SEC14L1: variants seen among roughly 807,000 people sequenced by gnomAD.
SEC14L1 encodes SEC14-like protein 1.
Under a neutral mutation model 85.3 loss-of-function variants are expected in SEC14L1, and 48 were observed. The observed-to-expected ratio is 0.56, with a 90% CI of 0.45 to 0.72. The LOEUF is 0.72. SEC14L1 is among the 30% of genes least tolerant of loss of function. The pLI is 0.00. For missense variants in SEC14L1, 682 were observed against 921.4 expected, an observed-to-expected ratio of 0.74 and a Z score of 3.36; for synonymous variants, 391 against 355.5, an observed-to-expected ratio of 1.10 and a Z score of -1.12.
chr17:77,157,049 A>G (rs1004539277), intron 3 of SEC14L1, among the ~76,000 whole-genome samples: 1 of 152,232 alleles, frequency 6.6e-6, no homozygotes, highest in Non-Finnish European at 1.5e-5. Context: ...CCCAAGAGTT[A>G]TTACATAATT....
intron 3 of SEC14L1, among the ~76,000 whole-genome samples, chr17:77,100,113 G>C (rs1372729194): frequency 1.3e-5 from 2 of 152,246 alleles, no homozygotes. Flanking sequence ...TGTTTCCGAG[G>C]AGCGGGCGTG....
chr17:77,093,728 G>A (rs1338010601), intron 3 of SEC14L1: 1 of 152,200 alleles, frequency 6.6e-6, no homozygotes, highest in East Asian at 1.9e-4. Context: ...CAGTAAGATG[G>A]GGACACTGAA....
intron 3 of SEC14L1, among the ~76,000 whole-genome samples, chr17:77,111,327 G>A (rs999858552): frequency 6.6e-5 from 10 of 152,096 alleles, no homozygotes; most frequent in South Asian, 2.1e-4. Flanking sequence ...GTCTAAAGAC[G>A]TGGGATTGAT....
chr17:77,100,340 G>T lies in SEC14L1; in HGVS notation c.-136+6993G>T, dbSNP rs148037021. Reference sequence around the variant, plus strand: ...TGCCTACCGCCCTGCGCTGCAGTGTGTGCATTCTGTATTGTTGTCCCTGTT... The same window carrying T: ...TGCCTACCGCCCTGCGCTGCAGTGTTTGCATTCTGTATTGTTGTCCCTGTT... On this transcript the variant is annotated intron_variant, in intron 3 of 19. Coordinates refer to the SEC14L1 transcript ENST00000392476. Among the ~76,000 whole-genome samples, 1,408 of 149,420 alleles carry T rather than the reference G, an allele frequency of 9.4e-3. 14 individuals are homozygous for T. Among genetic ancestry groups the T allele is most frequent in the African/African-American group, 0.033 (1,329 of 40,822 alleles).
intron 3 of SEC14L1, chr17:77,099,217 G>C (rs1971713021): frequency 6.6e-6 from 1 of 152,124 alleles, no homozygotes; most frequent in African/African-American, 2.4e-5. Flanking sequence ...ATTAAAATAA[G>C]ACTTCCACTC....
chr17:77,158,213 C>T (rs1005175505), intron 3 of SEC14L1, among the ~76,000 whole-genome samples: 4 of 152,230 alleles, frequency 2.6e-5, no homozygotes, highest in Non-Finnish European at 5.9e-5. Context: ...GTGCAGAGTT[C>T]AGTGGCACTA....
chr17:77,206,600 TA>T lies in SEC14L1; in HGVS notation c.1342-127del. On this transcript the variant is annotated intron_variant, in intron 12 of 16. Transcript: ENST00000436233. The surrounding 1 kb of genome is among the most constrained non-coding windows in gnomAD (Gnocchi z 4.3). ...GTCCTAATGCCATGCAAATAGACTT[TA>T]CAGAAGAAGTATATAAACTTGAATG... 1 of 1,271,450 alleles carries T rather than the reference TA, an allele frequency of 7.9e-7. No individual in the cohort carries two copies. 78.8% of individuals were successfully genotyped at this position (1,271,450 alleles called of 1,614,324 possible).
At chr17:77,126,811 G>T (rs1021527288) in intron 3 of SEC14L1, among the ~76,000 whole-genome samples, 3 of 152,160 alleles carry the variant, frequency 2.0e-5, no homozygotes, top group Admixed American at 6.5e-5. Flanking sequence ...TGATGGGTGG[G>T]TCAGGCAGGA....
chr17:77,207,808 G>C (rs1452563643), intron 13 of SEC14L1, among the ~76,000 whole-genome samples: 1 of 152,176 alleles, frequency 6.6e-6, no homozygotes, highest in South Asian at 2.1e-4. Context: ...CATACGTTTG[G>C]GGTTTTTAAT....
At chr17:77,195,160 GTGTTTGTT>G (rs537545832) in intron 7 of SEC14L1, 2 of 516,644 alleles carry the variant, frequency 3.9e-6, no homozygotes, top group East Asian at 3.3e-5. Context: ...ATACCAGAAG[GTGTTTGTT>G]TGTTTGTTTA....
At chr17:77,147,647 GCTT>G (rs1307110814) in intron 3 of SEC14L1, among the ~76,000 whole-genome samples, 2 of 152,128 alleles carry the variant, frequency 1.3e-5, no homozygotes, top group Non-Finnish European at 2.9e-5. Context: ...CTCATACTAT[GCTT>G]CTTCCTTCTA....
intron 3 of SEC14L1, among the ~76,000 whole-genome samples, chr17:77,115,409 A>G (rs1344471346): frequency 1.3e-5 from 2 of 152,114 alleles, no homozygotes; most frequent in Non-Finnish European, 2.9e-5. Context: ...AGCCTGGGCA[A>G]TAAGAGCGAA....
At chr17:77,180,770 G>A (rs559317777) in intron 3 of SEC14L1, among the ~76,000 whole-genome samples, 2 of 152,304 alleles carry the variant, frequency 1.3e-5, no homozygotes, top group East Asian at 3.9e-4. Context: ...CGGGTATGCC[G>A]TAACTGCTGG....
chr17:77,212,723 A>G (rs1189109289), intron 15 of SEC14L1: 6 of 166,506 alleles, frequency 3.6e-5, no homozygotes, highest in South Asian at 3.2e-4. Flanking sequence ...TAATAGATGC[A>G]TCGTTTTGCT....
chr17:77,176,609 CA>C (rs987812108), intron 3 of SEC14L1, among the ~76,000 whole-genome samples: 1 of 152,226 alleles, frequency 6.6e-6, no homozygotes, highest in African/African-American at 2.4e-5. Flanking sequence ...GTTTTTGAGA[CA>C]GAGTCTCGCT....
chr17:77,174,906 C>T (rs182623246), intron 3 of SEC14L1, among the ~76,000 whole-genome samples: 15 of 152,338 alleles, frequency 9.8e-5, no homozygotes, highest in East Asian at 9.6e-4. Context: ...CAGTTCCTGT[C>T]GGTGTCCTTC....
intron 3 of SEC14L1, among the ~76,000 whole-genome samples, chr17:77,177,377 A>G (rs1974807650): frequency 6.9e-6 from 1 of 145,204 alleles, no homozygotes; most frequent in African/African-American, 2.6e-5. Context: ...AAAAGATACA[A>G]TTGATCAGGC....
chr17:77,091,006 A>G (rs1317977836), intron 2 of SEC14L1, among the ~76,000 whole-genome samples: 7 of 151,214 alleles, frequency 4.6e-5, no homozygotes, highest in African/African-American at 1.7e-4. Flanking sequence ...GCCAGGCCAT[A>G]CAGGGCCTTG....
intron 3 of SEC14L1, among the ~76,000 whole-genome samples, chr17:77,166,980 T>C (rs1598333171): frequency 6.6e-6 from 1 of 152,342 alleles, no homozygotes. Flanking sequence ...CTGATGTGTT[T>C]CTCCCCAGAT....
Sources: gnomAD v4.1 joint callset for allele counts (sites outside exome capture counted in the v4.1 genomes callset) on GRCh38, gnomAD v4.1.1 for gene constraint, Gnocchi (gnomAD v3.1) non-coding constraint, MANE v1.5 for transcripts, NCBI Gene and HGNC (gene_info 2026-07-23, HGNC 2026-07-21) for gene names.